FBP1: variants seen among roughly 807,000 people sequenced by gnomAD.
The protein encoded by FBP1 is fructose-bisphosphatase 1.
A neutral mutation model predicts 29.9 loss-of-function variants in FBP1; 22 were observed. The observed-to-expected ratio is 0.74, with a 90% CI of 0.53 to 1.05. The LOEUF (loss-of-function observed/expected upper bound fraction) is 1.05, where lower values mean the gene tolerates loss of function less well. Among genes scored for constraint, FBP1 ranks in the 50% least tolerant of loss-of-function variants. The pLI is 0.00. For synonymous variants in FBP1, 175 were observed against 178.6 expected (o/e 0.98, Z 0.16); for missense variants, 345 against 448.2 (o/e 0.77, Z 2.08).
At chr9:94,619,477 A>G (rs1398115620) in intron 2 of FBP1, among the ~76,000 whole-genome samples, 1 of 152,144 alleles carries the variant, frequency 6.6e-6, no homozygotes, top group Non-Finnish European at 1.5e-5. Flanking sequence ...TCATTTAACA[A>G]TCTTTTTCAA....
At chr9:94,637,848 G>A (rs1415432285) in intron 1 of FBP1, among the ~76,000 whole-genome samples, 1 of 151,932 alleles carries the variant, frequency 6.6e-6, no homozygotes, top group Non-Finnish European at 1.5e-5. Context: ...CAGCACTTTG[G>A]GAGGCCAAGG....
chr9:94,625,399 A>G (rs980077926), intron 1 of FBP1, among the ~76,000 whole-genome samples: 1 of 152,210 alleles, frequency 6.6e-6, no homozygotes, highest in Non-Finnish European at 1.5e-5. Flanking sequence ...CAGCACCTGC[A>G]TGGACAGGGC....
At chr9:94,617,713 A>T in intron 3 of FBP1, 55 bp downstream of exon 3, 1 of 1,137,024 alleles carries the variant, frequency 8.8e-7, no homozygotes, top group Non-Finnish European at 1.3e-6. Flanking sequence ...ATAGGACTGG[A>T]TGCTCAATCT....
intron 4 of FBP1, 36 bp from the exon 5 acceptor site, chr9:94,606,988 G>C (rs137976762): frequency 6.2e-7 from 1 of 1,613,560 alleles, no homozygotes. Context: ...GAGAGATGAC[G>C]AGCGCACTGG....
chr9:94,609,329 A>C (rs1827748712), intron 4 of FBP1, among the ~76,000 whole-genome samples: 2 of 152,240 alleles, frequency 1.3e-5, no homozygotes, highest in South Asian at 4.1e-4. Context: ...CGTCTCAGGA[A>C]AACAGCCTTT....
chr9:94,630,832 C>A (rs1348753539), intron 1 of FBP1, among the ~76,000 whole-genome samples: 4 of 152,146 alleles, frequency 2.6e-5, no homozygotes, highest in Admixed American at 1.3e-4. Context: ...CTGTTTCTGG[C>A]CATGTTTGTG....
intron 1 of FBP1, among the ~76,000 whole-genome samples, chr9:94,632,933 A>C (rs907027341): frequency 2.0e-5 from 3 of 152,004 alleles, no homozygotes; most frequent in African/African-American, 7.3e-5. Flanking sequence ...ACTGGTCCAG[A>C]TCTCCTCCTC....
At chr9:94,628,253 G>T (rs906896027) in intron 1 of FBP1, among the ~76,000 whole-genome samples, 15 of 152,028 alleles carry the variant, frequency 9.9e-5, no homozygotes, top group Non-Finnish European at 2.2e-4. Flanking sequence ...AGGTGTGGTG[G>T]CACATGCCTA....
At chr9:94,610,956 C>T (rs901007749) in intron 3 of FBP1, among the ~76,000 whole-genome samples, 15 of 151,830 alleles carry the variant, frequency 9.9e-5, no homozygotes, top group East Asian at 1.9e-4. Context: ...CTCCGCCTCG[C>T]GGGTTCACAC....
rs1014418750 is a variant in FBP1, at chr9:94,608,602, C to T, written c.567+1319G>A. Among the ~76,000 whole-genome samples, 3 of 152,230 alleles carry T rather than the reference C, an allele frequency of 2.0e-5. No homozygotes were observed. The South Asian group carries it at 6.2e-4, about 32-fold the overall frequency. On this transcript the variant is annotated intron_variant, in intron 4 of 6. Transcript: ENST00000375326. ...AACTTTGCTCTGGTTCTGCCACTAA[C>T]TCCCCCACCCCACCCCTACCCAGGT...
chr9:94,629,398 T>A (rs1828070963), intron 1 of FBP1, among the ~76,000 whole-genome samples: 1 of 152,128 alleles, frequency 6.6e-6, no homozygotes, highest in South Asian at 2.1e-4. Context: ...CTTCTGGAAA[T>A]AAAACCACAG....
rs1033541976 is a variant in FBP1 at position 94,614,161 on chromosome 9, A to G, written c.426+3607T>C. 3.1e-5 allele frequency among the ~76,000 whole-genome samples: 4 copies of G among 128,072 alleles called. No individual in the cohort carries two copies. In the South Asian group the frequency reaches 1.2e-3, roughly 37 times the overall value. The allele number at this position is 128,072 out of a possible 152,430, so 84.0% of individuals were successfully genotyped here. ...GGGAGAAGGAGGAGGGGAAGAAGGCAGAGGAGGAAGGGGGGGACGAGGAGG... is the reference window on the plus strand; with the variant it reads ...GGGAGAAGGAGGAGGGGAAGAAGGCGGAGGAGGAAGGGGGGGACGAGGAGG... On this transcript the variant is annotated intron_variant, in intron 3 of 6. Transcript: ENST00000375326.
chr9:94,610,790 T>G (rs1361381677), intron 3 of FBP1, among the ~76,000 whole-genome samples: 1 of 152,200 alleles, frequency 6.6e-6, no homozygotes, highest in African/African-American at 2.4e-5. Flanking sequence ...GTCCAGAGTT[T>G]TTCTAACACT....
At chr9:94,615,388 T>C (rs1827848453) in intron 3 of FBP1, among the ~76,000 whole-genome samples, 1 of 152,084 alleles carries the variant, frequency 6.6e-6, no homozygotes, top group Non-Finnish European at 1.5e-5. Flanking sequence ...AAAGTATTAT[T>C]TGGGGGGACT....
At chr9:94,624,461 T>C (rs1269689817) in intron 1 of FBP1, among the ~76,000 whole-genome samples, 1 of 152,098 alleles carries the variant, frequency 6.6e-6, no homozygotes, top group Non-Finnish European at 1.5e-5. Context: ...GAGACCAGCC[T>C]GACCAATATG....
chr9:94,612,549 A>ACTTTTTTTTTTTTTTTTTTTT lies in FBP1; in HGVS notation c.427-2489_427-2488insAAAAAAAAAAAAAAAAAAAAG, dbSNP rs1284753726. On this transcript the variant is annotated intron_variant, in intron 3 of 6. Transcript: ENST00000375326. Reference sequence around the variant, plus strand: ...GAATTCTTTTCTAGCCCAGCCCCCAATTTTTTTTTTTTTTTTTTTTTTTTT... The same window carrying ACTTTTTTTTTTTTTTTTTTTT: ...GAATTCTTTTCTAGCCCAGCCCCCAACTTTTTTTTTTTTTTTTTTTTTTTTTTTTTTTTTTTTTTTTTTTTT... Among the ~76,000 whole-genome samples, 2 of 108,028 alleles carry ACTTTTTTTTTTTTTTTTTTTT rather than the reference A, an allele frequency of 1.9e-5. 1 individual carries two copies. The highest frequency in any genetic ancestry group is 6.9e-5 in the African/African-American group (2 of 29,000). The allele number at this position is 108,028 out of a possible 152,430, so 70.9% of individuals were successfully genotyped here.
At chr9:94,637,099 T>C (rs554012367) in intron 1 of FBP1, among the ~76,000 whole-genome samples, 1 of 152,236 alleles carries the variant, frequency 6.6e-6, no homozygotes, top group Non-Finnish European at 1.5e-5. Context: ...GGTATGTTTC[T>C]AAAATAAGAA....
At chr9:94,637,409 T>TG (rs1184141064) in intron 1 of FBP1, among the ~76,000 whole-genome samples, 1 of 151,560 alleles carries the variant, frequency 6.6e-6, no homozygotes, top group Non-Finnish European at 1.5e-5. Flanking sequence ...CTTTTTTTTT[T>TG]TTTTTTAAGA....
intron 3 of FBP1, among the ~76,000 whole-genome samples, chr9:94,611,970 C>T (rs1047829448): frequency 6.6e-6 from 1 of 152,198 alleles, no homozygotes; most frequent in African/African-American, 2.4e-5. Context: ...TCCACCGCTT[C>T]CCTGCCCCTC....
Sources: allele counts gnomAD v4.1 joint callset (sites outside exome capture counted in the v4.1 genomes callset), GRCh38; gene constraint gnomAD v4.1.1; transcripts MANE v1.5; gene names NCBI Gene and HGNC (gene_info 2026-07-23, HGNC 2026-07-21).